Variants in PLXNA4 observed in about 807,000 individuals in gnomAD.
The protein encoded by PLXNA4 is plexin A4.
PLXNA4 carries 44 observed loss-of-function variants against 191.8 expected under a neutral mutation model. That is an observed-to-expected ratio of 0.23 (90% CI 0.18 to 0.29). The LOEUF is 0.29. PLXNA4 is among the 10% of genes least tolerant of loss of function. The pLI is 1.00. For missense variants in PLXNA4, 1,800 were observed against 2,488.8 expected, an observed-to-expected ratio of 0.72 and a Z score of 5.89; for synonymous variants, 1,082 against 1,009.5, an observed-to-expected ratio of 1.07 and a Z score of -1.36.
chr7:132,537,504 T>G (rs1366190476), intron 1 of PLXNA4, among the ~76,000 whole-genome samples: 1 of 152,204 alleles, frequency 6.6e-6, no homozygotes, highest in Non-Finnish European at 1.5e-5. Flanking sequence ...AAGTTCCTAT[T>G]TCAAAAAAGT....
At chr7:132,384,707 C>T (rs1563069527) in intron 3 of PLXNA4, 1 of 1,018,326 alleles carries the variant, frequency 9.8e-7, no homozygotes, top group East Asian at 1.1e-4. Context: ...TCCTCTCTGC[C>T]CTGTGTATGC....
intron 3 of PLXNA4, among the ~76,000 whole-genome samples, chr7:132,433,786 C>T (rs1438468177): frequency 6.6e-6 from 1 of 152,160 alleles, no homozygotes; most frequent in Non-Finnish European, 1.5e-5. Flanking sequence ...ACTTCCTAAC[C>T]TCATCTGGCA....
At chr7:132,376,089 C>T (rs1414750199) in intron 3 of PLXNA4, among the ~76,000 whole-genome samples, 1 of 152,174 alleles carries the variant, frequency 6.6e-6, no homozygotes, top group Non-Finnish European at 1.5e-5. Flanking sequence ...GTAGCATCTG[C>T]CCCATGGTGT....
At chr7:132,152,123 C>T (rs1050387210) in intron 25 of PLXNA4, among the ~76,000 whole-genome samples, 1 of 152,198 alleles carries the variant, frequency 6.6e-6, no homozygotes, top group Admixed American at 6.5e-5. Context: ...GACTTCCTGA[C>T]CTTCTCTCAA....
intron 3 of PLXNA4, among the ~76,000 whole-genome samples, chr7:132,480,269 G>A (rs977443227): frequency 6.6e-6 from 1 of 152,222 alleles, no homozygotes; most frequent in Non-Finnish European, 1.5e-5. Context: ...GAGAAGAGCC[G>A]AGAAGCTCAG....
chr7:132,394,024 T>G (rs1793636666), intron 3 of PLXNA4, among the ~76,000 whole-genome samples: 1 of 150,310 alleles, frequency 6.7e-6, no homozygotes, highest in Non-Finnish European at 1.5e-5. Flanking sequence ...CATCTCTGCC[T>G]GACCTTCCCC....
chr7:132,453,032 A>G (rs890725655), intron 3 of PLXNA4, among the ~76,000 whole-genome samples: 2 of 152,156 alleles, frequency 1.3e-5, no homozygotes, highest in Non-Finnish European at 2.9e-5. Flanking sequence ...ACAGTTAGGG[A>G]GCCACGCACC....
At chr7:132,166,514 ATAGAGTT>A (rs1796128832) in intron 22 of PLXNA4, among the ~76,000 whole-genome samples, 1 of 151,688 alleles carries the variant, frequency 6.6e-6, no homozygotes, top group Non-Finnish European at 1.5e-5. Flanking sequence ...GTATGTCTGG[ATAGAGTT>A]TAAAGTTGCA....
At chr7:132,512,863 T>G (rs1422007245) in intron 1 of PLXNA4, among the ~76,000 whole-genome samples, 1 of 152,202 alleles carries the variant, frequency 6.6e-6, no homozygotes, top group Non-Finnish European at 1.5e-5. Context: ...CATTTCGCTC[T>G]CAAGTCACCA....
At chr7:132,480,557 C>T (rs1017136013) in intron 3 of PLXNA4, among the ~76,000 whole-genome samples, 8 of 150,806 alleles carry the variant, frequency 5.3e-5, no homozygotes, top group African/African-American at 2.0e-4. Flanking sequence ...GAAACCAAGA[C>T]AAAGATGGGC....
intron 9 of PLXNA4, among the ~76,000 whole-genome samples, chr7:132,215,191 G>C (rs1331685787): frequency 6.6e-6 from 1 of 152,192 alleles, no homozygotes; most frequent in Non-Finnish European, 1.5e-5. Context: ...CCAAACACAA[G>C]GGGGACTGGC....
chr7:132,624,439 C>T (rs1284445863), intron 2 of PLXNA4, among the ~76,000 whole-genome samples: 2 of 152,154 alleles, frequency 1.3e-5, no homozygotes, highest in Non-Finnish European at 2.9e-5. Context: ...GCATAGATCA[C>T]AGAGCCCATG....
intron 1 of PLXNA4, among the ~76,000 whole-genome samples, chr7:132,528,488 T>C (rs1323028232): frequency 6.6e-6 from 1 of 152,186 alleles, no homozygotes; most frequent in Non-Finnish European, 1.5e-5. Context: ...ACAGCTGTGA[T>C]TGGATTAAGC....
intron 3 of PLXNA4, among the ~76,000 whole-genome samples, chr7:132,481,725 C>A (rs1797344336): frequency 6.6e-6 from 1 of 152,172 alleles, no homozygotes; most frequent in Non-Finnish European, 1.5e-5. Context: ...GATATGGATT[C>A]TCCATGGCCA....
chr7:132,523,432 G>GTAAAT (rs957264840), intron 1 of PLXNA4, among the ~76,000 whole-genome samples: 4 of 152,190 alleles, frequency 2.6e-5, no homozygotes, highest in African/African-American at 9.7e-5. Context: ...CAAAGGAAAT[G>GTAAAT]TAAATGCAAA....
intron 2 of PLXNA4, among the ~76,000 whole-genome samples, chr7:132,635,242 C>T (rs1368118424): frequency 6.7e-6 from 1 of 150,370 alleles, no homozygotes; most frequent in Non-Finnish European, 1.5e-5. Flanking sequence ...AACCCTAATA[C>T]AGTCACTGTG....
chr7:132,448,042 C>CA (rs1000992566), intron 3 of PLXNA4, among the ~76,000 whole-genome samples: 1 of 151,682 alleles, frequency 6.6e-6, no homozygotes, highest in East Asian at 1.9e-4. Context: ...ACACCTCAAA[C>CA]AAAAAAAACG....
chr7:132,242,480 ACT>A (rs879372743), intron 4 of PLXNA4, among the ~76,000 whole-genome samples: 4 of 152,038 alleles, frequency 2.6e-5, no homozygotes, highest in African/African-American at 4.8e-5. Flanking sequence ...TTAGTCTCCA[ACT>A]CTCTTTTGGA....
rs1285205819 is a variant in PLXNA4, at chr7:132,128,279, T to G, written c.*2200A>C. ...CTGCACTTGCCAAAACCTTTGGTTA[T>G]TTATTTTTTTTCTTCCTCTTCCAAT... is the stretch of plus-strand genomic sequence containing the variant. On this transcript the variant is annotated 3_prime_UTR_variant, in exon 32 of 32. Transcript: ENST00000321063. The G allele has an allele frequency of 1.3e-5, 2 of 152,104 alleles. No homozygotes were observed. The highest frequency in any genetic ancestry group is 4.8e-5 in the African/African-American group (2 of 41,442). 9.4% of individuals were successfully genotyped at this position (152,104 alleles called of 1,614,324 possible).
Sources: gnomAD v4.1 joint callset for allele counts (sites outside exome capture counted in the v4.1 genomes callset) on GRCh38, gnomAD v4.1.1 for gene constraint, MANE v1.5 for transcripts, NCBI Gene and HGNC (gene_info 2026-07-23, HGNC 2026-07-21) for gene names.